The following COL16A1 variants were observed in gnomAD, a reference collection of about 807,000 sequenced individuals.
The protein encoded by COL16A1 is collagen type XVI alpha 1 chain, also known as collagen alpha-1(XVI) chain.
In COL16A1, 189 loss-of-function variants were observed where a neutral mutation model predicts 266.3. That is an observed-to-expected ratio of 0.71 (90% CI 0.63 to 0.80). The LOEUF is 0.80. Ranked by LOEUF, COL16A1 falls within the 30% of genes least tolerant of loss-of-function variation. The pLI, the probability that COL16A1 is intolerant of heterozygous loss-of-function variation, is 0.00. For synonymous variants in COL16A1, 740 were observed against 782.3 expected (o/e 0.95, Z 0.90); for missense variants, 1,928 against 2,122.4 (o/e 0.91, Z 1.80).
intron 67 of COL16A1, 84 bp from the exon 68 acceptor site, chr1:31,654,942 G>A: frequency 2.6e-6 from 4 of 1,516,100 alleles, no homozygotes; most frequent in Middle Eastern, 1.8e-4. Flanking sequence ...GGGGAGGAAG[G>A]CAAAGGTCCC....
At chr1:31,666,836 T>G (rs951197224) in intron 52 of COL16A1, among the ~76,000 whole-genome samples, 1 of 152,136 alleles carries the variant, frequency 6.6e-6, no homozygotes, top group Non-Finnish European at 1.5e-5. Context: ...CCTGTCCCAT[T>G]TCCTCCATGA....
intron 34 of COL16A1, 77 bp from the exon 35 acceptor site, chr1:31,683,446 C>G (rs560090388): frequency 1.9e-6 from 3 of 1,610,420 alleles, no homozygotes; most frequent in Admixed American, 1.7e-5. Flanking sequence ...CACCGGCAGA[C>G]CTGGTCTGGG....
intron 42 of COL16A1, among the ~76,000 whole-genome samples, chr1:31,678,065 G>A (rs1249045983): frequency 2.6e-5 from 4 of 152,084 alleles, no homozygotes; most frequent in Non-Finnish European, 4.4e-5. Flanking sequence ...AATATGTGGC[G>A]TGGGCTCTAG....
intron 34 of COL16A1, 124 bp from the exon 35 acceptor site, chr1:31,683,493 C>A: frequency 6.3e-7 from 1 of 1,589,252 alleles, no homozygotes; most frequent in Non-Finnish European, 8.6e-7. Flanking sequence ...AAGAGCTCCC[C>A]AAGGAGACCC....
intron 67 of COL16A1, 38 bp from the exon 68 acceptor site, chr1:31,654,896 C>T: frequency 3.1e-6 from 5 of 1,612,076 alleles, no homozygotes; most frequent in Non-Finnish European, 4.2e-6. Context: ...AATTATACTT[C>T]CAAGCCTGGC....
At position 31,657,290 on chromosome 1, in the gene COL16A1, A is replaced by T; in HGVS notation, c.4021-222T>A. On this transcript the variant is annotated intron_variant, in intron 64 of 70. Coordinates refer to ENST00000373672, the MANE Select transcript of COL16A1 (RefSeq NM_001856.4). The surrounding 1 kb of genome is among the most constrained non-coding windows in gnomAD (Gnocchi z 6.4). ...CCCCAACAGCTCCCAGCCCCCGTCT[A>T]CAAGAGCTTTACAAGGGAAGAACAG... The T allele has an allele frequency of 1.7e-6, 1 of 598,080 alleles. No individual in the cohort carries two copies. Among genetic ancestry groups the T allele is most frequent in the Non-Finnish European group, 3.0e-6 (1 of 336,138 alleles). 37.0% of individuals were successfully genotyped at this position (598,080 alleles called of 1,614,324 possible).
Position 31,656,463 on chromosome 1 carries a change from C to T in COL16A1, c.4057-19G>A, listed in dbSNP as rs1275736408. ...GGGGTCCCTAGAGGAAAGCAAAAGTCAGAGGTGAAGTCCGGGCAGCATCTC... is the reference window on the plus strand; with the variant it reads ...GGGGTCCCTAGAGGAAAGCAAAAGTTAGAGGTGAAGTCCGGGCAGCATCTC... On this transcript the variant is annotated intron_variant, in intron 65 of 70. Transcript: ENST00000373672. The surrounding 1 kb of genome is among the most constrained non-coding windows in gnomAD (Gnocchi z 4.2). 1 of 1,611,316 alleles carries T rather than the reference C, an allele frequency of 6.2e-7. No homozygotes were observed. The highest frequency in any genetic ancestry group is 2.2e-5 in the East Asian group (1 of 44,852).
intron 48 of COL16A1, 84 bp downstream of exon 48, chr1:31,671,530 TG>T (rs1642702875): frequency 6.4e-7 from 1 of 1,562,574 alleles, no homozygotes; most frequent in Non-Finnish European, 8.8e-7. Flanking sequence ...CCCAGCCTTT[TG>T]GGGACAAGGC....
rs1016010144 is a variant in COL16A1 at position 31,655,319 on chromosome 1, A to C, written c.4285T>G (p.Ser1429Ala). 5.6e-6 allele frequency: 9 copies of C among 1,612,736 alleles called. No homozygotes were observed. The highest frequency in any genetic ancestry group is 2.7e-5 in the African/African-American group (2 of 74,796). ...CTGCCAGCCTTCCCCCTTACCATGG[A>C]GCCAGGCACACCAGGCAAGCCAGGG... is the stretch of plus-strand genomic sequence containing the variant. ...GSPGLPGVPG[S>A]MGDMVNYDEI... is the part of the protein sequence containing the mutation. Residue 1429 changes from serine to alanine, a missense_variant, in exon 67 of 71, where the codon TCC (serine) becomes GCC (alanine). Coordinates refer to ENST00000373672, the MANE Select transcript of COL16A1 (RefSeq NM_001856.4).
At chr1:31,695,852 C>T (rs1644474215) in intron 9 of COL16A1, 65 bp from the exon 10 acceptor site, 3 of 1,455,382 alleles carry the variant, frequency 2.1e-6, no homozygotes, top group Non-Finnish European at 2.9e-6. Flanking sequence ...CTGTTTCCAA[C>T]ACCCCTACCC....
intron 2 of COL16A1, among the ~76,000 whole-genome samples, chr1:31,700,504 T>A (rs549491645): frequency 1.8e-3 from 278 of 152,322 alleles, no homozygotes; most frequent in Non-Finnish European, 3.5e-3. Flanking sequence ...TATTTACACA[T>A]GTGCCCCCTC....
At position 31,698,723 on chromosome 1, in the gene COL16A1, T is replaced by C; in HGVS notation, c.267-117A>G. 1 of 1,465,788 alleles carries C rather than the reference T, an allele frequency of 6.8e-7. No homozygotes were observed. The highest frequency in any genetic ancestry group is 1.3e-5 in the South Asian group (1 of 75,182). 90.8% of individuals were successfully genotyped at this position (1,465,788 alleles called of 1,614,324 possible). The stretch of plus-strand genomic sequence containing the variant: ...GACATCCACAGGCACACATCTTCCA[T>C]CATATACATTCATTCACTCTCCATA... On this transcript the variant is annotated intron_variant, in intron 4 of 70. Coordinates refer to ENST00000373672, the MANE Select transcript of COL16A1 (RefSeq NM_001856.4). The surrounding 1 kb of genome is among the most constrained non-coding windows in gnomAD (Gnocchi z 4.1).
intron 63 of COL16A1, 143 bp from the exon 64 acceptor site, chr1:31,658,720 T>A: frequency 1.9e-6 from 2 of 1,034,782 alleles, no homozygotes; most frequent in Non-Finnish European, 2.9e-6. Context: ...GACTCTGAGA[T>A]GACCTCCAGC....
chr1:31,690,713 G>A (rs909203424), intron 20 of COL16A1, 140 bp from the exon 21 acceptor site: 6 of 1,375,472 alleles, frequency 4.4e-6, no homozygotes, highest in South Asian at 2.8e-5. Context: ...CCATTCGGTC[G>A]GTTCCTGTTG....
Position 31,656,520 on chromosome 1 carries a change from G to C in COL16A1, c.4057-76C>G. ...TCCCTGGGGAGGCAGGTGCAGTGAAGAGGCCCCTTCCACAGCCTGAGGCCC... is the reference window on the plus strand; with the variant it reads ...TCCCTGGGGAGGCAGGTGCAGTGAACAGGCCCCTTCCACAGCCTGAGGCCC... On this transcript the variant is annotated intron_variant, in intron 65 of 70. Transcript: ENST00000373672. The surrounding 1 kb of genome is among the most constrained non-coding windows in gnomAD (Gnocchi z 4.2). The C allele has an allele frequency of 6.4e-7, 1 of 1,572,428 alleles. No individual in the cohort carries two copies. The highest frequency in any genetic ancestry group is 8.6e-7 in the Non-Finnish European group (1 of 1,159,222).
intron 34 of COL16A1, 121 bp downstream of exon 34, chr1:31,683,586 C>G: frequency 6.3e-7 from 1 of 1,592,906 alleles, no homozygotes; most frequent in Non-Finnish European, 8.6e-7. Flanking sequence ...TCCCTGGTCC[C>G]AGAACTAAGT....
In COL16A1 at chr1:31,684,171, G is replaced by T. The variant is rs754602510; in HGVS notation, c.2221C>A (p.Pro741Thr). The change falls in exon 32 of 71, where the codon CCT (proline) becomes ACT (threonine). Residue 741 changes from proline to threonine, a missense_variant. Transcript: ENST00000373672. ...QGTVTDMAGR[P>T]GQPGPKGEQG... Reference sequence around the variant, plus strand: ...TCTCCTTTGGGGCCGGGCTGCCCAGGCCGTCCTGCCATGTCTGTCACTGTC... The same window carrying T: ...TCTCCTTTGGGGCCGGGCTGCCCAGTCCGTCCTGCCATGTCTGTCACTGTC... The T allele has an allele frequency of 6.5e-6, 10 of 1,543,600 alleles. No individual in the cohort carries two copies. Among genetic ancestry groups the T allele is most frequent in the Non-Finnish European group, 7.9e-6 (9 of 1,142,984 alleles).
chr1:31,657,189 C>T lies in COL16A1; in HGVS notation c.4021-121G>A. The T allele has an allele frequency of 8.0e-7, 1 of 1,244,482 alleles. No individual in the cohort carries two copies. The highest frequency in any genetic ancestry group is 1.2e-6 in the Non-Finnish European group (1 of 854,264). 77.1% of individuals were successfully genotyped at this position (1,244,482 alleles called of 1,614,324 possible). On this transcript the variant is annotated intron_variant, in intron 64 of 70. Coordinates refer to ENST00000373672, the MANE Select transcript of COL16A1 (RefSeq NM_001856.4). This position sits in a 1 kb window ranked among gnomAD's most constrained non-coding sequence, Gnocchi z 6.4. The stretch of plus-strand genomic sequence containing the variant: ...CCACCCAGAGGCCACGATCCTCCAG[C>T]CCTCACCCTCTGACAATCTGGGCAC...
rs187412038 is a variant in COL16A1 at position 31,698,103 on chromosome 1, C to G, written c.460G>C (p.Val154Leu). 3.9e-4 allele frequency: 631 copies of G among 1,613,994 alleles called. 5 individuals are homozygous for G. Among genetic ancestry groups the G allele is most frequent in the Non-Finnish European group, 1.6e-5 (19 of 1,180,050 alleles). Residue 154 changes from valine to leucine, a missense_variant, in exon 6 of 71, where the codon GTG becomes CTG. By Grantham distance (32) the Val-to-Leu change is conservative (BLOSUM62 1). Coordinates refer to ENST00000373672, the MANE Select transcript of COL16A1 (RefSeq NM_001856.4). This position sits in a 1 kb window ranked among gnomAD's most constrained non-coding sequence, Gnocchi z 4.1. ...TGGGGCACTGGGAAGATGCAGGACA[C>G]AAAGTCGCCATCCTGGCCCTGGGCC... is the stretch of plus-strand genomic sequence containing the variant. ...LRAQGQDGDF[V>L]SCIFPVPQLF...
Sources: allele counts gnomAD v4.1 joint callset (sites outside exome capture counted in the v4.1 genomes callset), GRCh38; gene constraint gnomAD v4.1.1; non-coding constraint Gnocchi (gnomAD v3.1); transcripts MANE v1.5; gene names NCBI Gene and HGNC (gene_info 2026-07-23, HGNC 2026-07-21).